The following DISP3 variants were observed in gnomAD, a reference collection of about 807,000 sequenced individuals.
The protein encoded by DISP3 is dispatched RND transporter family member 3.
A neutral mutation model predicts 135.3 loss-of-function variants in DISP3; 101 were observed. That is an observed-to-expected ratio of 0.75 (90% CI 0.64 to 0.88). The LOEUF is 0.88. Among genes scored for constraint, DISP3 ranks in the 40% least tolerant of loss-of-function variants. The pLI, the probability that DISP3 is intolerant of heterozygous loss-of-function variation, is 0.00. For synonymous variants in DISP3, 856 were observed against 817.0 expected (o/e 1.05, Z -0.81); for missense variants, 1,713 against 1,878.6 (o/e 0.91, Z 1.63).
Position 11,519,640 on chromosome 1 carries a change from C to G in DISP3, c.2039-79C>G, listed in dbSNP as rs1022456141. 4 of 1,573,920 alleles carry G rather than the reference C, an allele frequency of 2.5e-6. No individual in the cohort carries two copies. The African/African-American group carries it at 4.0e-5, about 16-fold the overall frequency. The stretch of plus-strand genomic sequence containing the variant: ...GCCTGTGGGCTTCCTCACCAGGCAT[C>G]TGGGCTTCCCTGGAAGCGAGCGTGG... On this transcript the variant is annotated intron_variant, in intron 8 of 20. Coordinates refer to ENST00000294484, the MANE Select transcript of DISP3 (RefSeq NM_020780.2). The surrounding 1 kb of genome is among the most constrained non-coding windows in gnomAD (Gnocchi z 4.3).
chr1:11,485,234 C>T (rs2100354067), intron 1 of DISP3, among the ~76,000 whole-genome samples: 1 of 152,236 alleles, frequency 6.6e-6, no homozygotes, highest in East Asian at 1.9e-4. Flanking sequence ...ATGATCCAGT[C>T]AAGTGGTCTC....
chr1:11,525,334 G>A, intron 12 of DISP3, 22 bp downstream of exon 12: 1 of 1,604,942 alleles, frequency 6.2e-7, no homozygotes. Flanking sequence ...CTGTCGTGAA[G>A]TGAGCCGCCA....
At chr1:11,512,018 C>A (rs1447804000) in intron 3 of DISP3, among the ~76,000 whole-genome samples, 1 of 152,218 alleles carries the variant, frequency 6.6e-6, no homozygotes, top group Non-Finnish European at 1.5e-5. Context: ...GCTGGAGCGG[C>A]TGGGACACAG....
chr1:11,507,565 G>A (rs1347805364), intron 3 of DISP3, among the ~76,000 whole-genome samples: 2 of 152,184 alleles, frequency 1.3e-5, no homozygotes, highest in African/African-American at 4.8e-5. Context: ...CTGACTCCCA[G>A]CCAAGTTTTT....
Position 11,519,292 on chromosome 1 carries a change from G to A in DISP3, c.1890-63G>A, listed in dbSNP as rs1642100338. 1.3e-6 allele frequency: 2 copies of A among 1,551,602 alleles called. No homozygotes were observed. Among genetic ancestry groups the A allele is most frequent in the Non-Finnish European group, 1.8e-6 (2 of 1,133,168 alleles). ...GGGTTCATCTGATCCTCAGGGCCCT[G>A]CCCCACCCTCCCTGGGTACCCAGGA... On this transcript the variant is annotated intron_variant, in intron 7 of 20. Transcript: ENST00000294484. This position sits in a 1 kb window ranked among gnomAD's most constrained non-coding sequence, Gnocchi z 4.3.
chr1:11,512,598 A>C (rs1448795312), intron 3 of DISP3, among the ~76,000 whole-genome samples: 1 of 152,202 alleles, frequency 6.6e-6, no homozygotes, highest in African/African-American at 2.4e-5. Context: ...CCATTCAACA[A>C]GTCTCTAGGA....
chr1:11,517,393 AG>A, intron 6 of DISP3, 69 bp from the exon 7 acceptor site: 2 of 1,586,556 alleles, frequency 1.3e-6, no homozygotes, highest in Non-Finnish European at 1.7e-6. Flanking sequence ...CTCTGGCTGC[AG>A]GGGGCACCCA....
At chr1:11,517,049 G>A (rs980569507) in intron 6 of DISP3, among the ~76,000 whole-genome samples, 1 of 151,422 alleles carries the variant, frequency 6.6e-6, no homozygotes, top group African/African-American at 2.5e-5. Flanking sequence ...ATTGCTCCTA[G>A]TCCCCAGGGT....
chr1:11,488,012 C>T (rs867369650), intron 1 of DISP3, among the ~76,000 whole-genome samples: 4 of 152,158 alleles, frequency 2.6e-5, no homozygotes, highest in African/African-American at 7.2e-5. Context: ...TGGGGAGGGG[C>T]GTTCCCATTA....
At chr1:11,481,973 C>G (rs1640915763) in intron 1 of DISP3, 1 of 152,142 alleles carries the variant, frequency 6.6e-6, no homozygotes, top group African/African-American at 2.4e-5. Flanking sequence ...TCTATATATC[C>G]TCTGCATATA....
chr1:11,485,013 TGAA>T (rs1458076588), intron 1 of DISP3, among the ~76,000 whole-genome samples: 1 of 152,060 alleles, frequency 6.6e-6, no homozygotes, highest in Non-Finnish European at 1.5e-5. Flanking sequence ...TTTTTGCCAT[TGAA>T]AGTAATGGCA....
chr1:11,515,754 A>C (rs1641992680), intron 5 of DISP3, among the ~76,000 whole-genome samples: 1 of 151,354 alleles, frequency 6.6e-6, no homozygotes, highest in Non-Finnish European at 1.5e-5. Flanking sequence ...TGTGGGAAGG[A>C]GGTCAGGATG....
intron 10 of DISP3, among the ~76,000 whole-genome samples, chr1:11,522,927 C>CCCAGCCAGGACCCAGCCAGAGT: frequency 7.5e-6 from 1 of 133,138 alleles, no homozygotes; most frequent in Non-Finnish European, 1.6e-5. Context: ...CCAGCAAGGA[C>CCCAGCCAGGACCCAGCCAGAGT]CCAGCCAGGA....
chr1:11,515,962 A>G (rs780728825), intron 5 of DISP3, 39 bp from the exon 6 acceptor site: 1 of 1,604,580 alleles, frequency 6.2e-7, no homozygotes, highest in Non-Finnish European at 8.5e-7. Flanking sequence ...TGGAGACAGC[A>G]GAATAATCCT....
chr1:11,526,973 C>T, intron 13 of DISP3, 138 bp downstream of exon 13: 3 of 1,094,684 alleles, frequency 2.7e-6, no homozygotes, highest in Non-Finnish European at 3.8e-6. Flanking sequence ...CTCTGTTGCC[C>T]AGGCTGGAGT....
intron 11 of DISP3, among the ~76,000 whole-genome samples, chr1:11,524,315 A>G (rs1557617053): frequency 6.6e-6 from 1 of 151,870 alleles, no homozygotes; most frequent in Non-Finnish European, 1.5e-5. Flanking sequence ...CTGAGTGTCC[A>G]GGGGCAGAGG....
intron 10 of DISP3, among the ~76,000 whole-genome samples, chr1:11,522,651 G>T (rs374314958): frequency 4.2e-5 from 1 of 23,590 alleles, no homozygotes; most frequent in Non-Finnish European, 9.1e-5. Flanking sequence ...CCCAGCCAGG[G>T]CCCAGCCAGA....
chr1:11,526,039 T>C (rs1642406435), intron 12 of DISP3, among the ~76,000 whole-genome samples: 1 of 152,182 alleles, frequency 6.6e-6, no homozygotes, highest in Admixed American at 6.5e-5. Context: ...TTTGTGTTTC[T>C]TTAACGTGGT....
At chr1:11,503,047 GTCTC>G in intron 3 of DISP3, 150 bp downstream of exon 3, 2 of 715,262 alleles carry the variant, frequency 2.8e-6, no homozygotes, top group South Asian at 3.8e-5. Context: ...CATCCTTGCA[GTCTC>G]TCTGACAAAT....
Sources: gnomAD v4.1 joint callset for allele counts (sites outside exome capture counted in the v4.1 genomes callset) on GRCh38, gnomAD v4.1.1 for gene constraint, Gnocchi (gnomAD v3.1) non-coding constraint, MANE v1.5 for transcripts, NCBI Gene and HGNC (gene_info 2026-07-23, HGNC 2026-07-21) for gene names.